Variants in SGCZ observed in about 807,000 individuals in gnomAD.
SGCZ encodes the protein sarcoglycan zeta, also known as zeta-sarcoglycan.
Under a neutral mutation model 41.3 loss-of-function variants are expected in SGCZ, and 40 were observed. That is an observed-to-expected ratio of 0.97 (90% confidence interval 0.75 to 1.26). The LOEUF is 1.26. SGCZ is among the 50% of genes most tolerant of loss of function. The pLI is 0.00. For synonymous variants in SGCZ, 206 were observed against 137.5 expected, an observed-to-expected ratio of 1.50 and a Z score of -3.49; for missense variants, 552 against 369.8, an observed-to-expected ratio of 1.49 and a Z score of -4.04.
chr8:14,608,672 T>C (rs1282795910), intron 1 of SGCZ, among the ~76,000 whole-genome samples: 1 of 149,956 alleles, frequency 6.7e-6, no homozygotes, highest in Non-Finnish European at 1.5e-5. Context: ...GGAAGCTGTT[T>C]GGGTCATGGG....
chr8:14,644,423 TCTTACC>T (rs2117437892), intron 1 of SGCZ, among the ~76,000 whole-genome samples: 1 of 151,968 alleles, frequency 6.6e-6, no homozygotes, highest in African/African-American at 2.4e-5. Context: ...CAACATCAAC[TCTTACC>T]CAAGTTTCCA....
intron 1 of SGCZ, among the ~76,000 whole-genome samples, chr8:14,931,610 G>C (rs190459845): frequency 1.3e-5 from 2 of 151,980 alleles, no homozygotes; most frequent in East Asian, 3.9e-4. Context: ...GTGAGCTCTG[G>C]AGCCATTTAG....
In SGCZ at chr8:14,598,439, T is replaced by G. The variant is rs184349601; in HGVS notation, c.40-43513A>C. On this transcript the variant is annotated intron_variant, in intron 1 of 7. Coordinates refer to ENST00000382080, the MANE Select transcript of SGCZ (RefSeq NM_139167.4). ...TTTATGTTTTCAGGAAAAATTTTGTTTGTGTGTATATATACATGTAGTAGA... is the reference window on the plus strand; with the variant it reads ...TTTATGTTTTCAGGAAAAATTTTGTGTGTGTGTATATATACATGTAGTAGA... Among the ~76,000 whole-genome samples, 197 of 152,212 alleles carry G rather than the reference T, an allele frequency of 1.3e-3. 3 individuals carry two copies. The highest frequency in any genetic ancestry group is 0.013 in the Admixed American group (191 of 15,278).
At chr8:14,898,321 A>T (rs975011055) in intron 1 of SGCZ, among the ~76,000 whole-genome samples, 6 of 152,166 alleles carry the variant, frequency 3.9e-5, no homozygotes, top group African/African-American at 1.4e-4. Context: ...AGGCAAAGCT[A>T]TGCAATGTCA....
At chr8:14,948,964 T>C (rs1800542268) in intron 1 of SGCZ, among the ~76,000 whole-genome samples, 1 of 152,004 alleles carries the variant, frequency 6.6e-6, no homozygotes, top group Non-Finnish European at 1.5e-5. Context: ...GTGTTCTCTT[T>C]TCCCTCTGAT....
chr8:14,317,787 G>T (rs1801766712), intron 3 of SGCZ, among the ~76,000 whole-genome samples: 1 of 151,690 alleles, frequency 6.6e-6, no homozygotes, highest in African/African-American at 2.4e-5. Context: ...AACTGCAATT[G>T]CTTTTGCACC....
In SGCZ at chr8:14,796,136, T is replaced by C. The variant is rs538246357; in HGVS notation, c.40-241210A>G. The stretch of plus-strand genomic sequence containing the variant: ...TGTGAATAGTTCTGCAATGAGCATA[T>C]CTGTGCATGGGTCTTTATAATAGAA... On this transcript the variant is annotated intron_variant, in intron 1 of 7. Coordinates refer to ENST00000382080, the MANE Select transcript of SGCZ (RefSeq NM_139167.4). 2.0e-5 allele frequency among the ~76,000 whole-genome samples: 3 copies of C among 152,366 alleles called. No homozygotes were observed. In the East Asian group the frequency reaches 5.8e-4, roughly 29 times the overall value.
intron 1 of SGCZ, among the ~76,000 whole-genome samples, chr8:15,067,033 A>AT (rs1298718636): frequency 2.0e-5 from 3 of 152,246 alleles, no homozygotes; most frequent in Admixed American, 1.3e-4. Context: ...CATGAACTAT[A>AT]TATGAATACG....
chr8:14,738,488 C>G (rs1268572150), intron 1 of SGCZ, among the ~76,000 whole-genome samples: 2 of 152,068 alleles, frequency 1.3e-5, no homozygotes, highest in African/African-American at 2.4e-5. Flanking sequence ...GAAACTTGGA[C>G]TAATTAACTA....
At chr8:14,317,116 A>G (rs556227425) in intron 3 of SGCZ, among the ~76,000 whole-genome samples, 16 of 152,180 alleles carry the variant, frequency 1.1e-4, no homozygotes, top group African/African-American at 3.6e-4. Flanking sequence ...CTCCTTGACA[A>G]TAATGCCTAT....
At chr8:14,852,809 T>A (rs549240428) in intron 1 of SGCZ, among the ~76,000 whole-genome samples, 1 of 152,280 alleles carries the variant, frequency 6.6e-6, no homozygotes, top group South Asian at 2.1e-4. Flanking sequence ...TTTCATGGAG[T>A]AATAGCCTTT....
chr8:14,270,317 G>C (rs1800015778), intron 3 of SGCZ, among the ~76,000 whole-genome samples: 2 of 151,882 alleles, frequency 1.3e-5, no homozygotes, highest in Admixed American at 1.3e-4. Context: ...GGGTAACAGA[G>C]TAAAACTCCG....
At chr8:14,320,736 G>C (rs1372304309) in intron 3 of SGCZ, among the ~76,000 whole-genome samples, 1 of 151,994 alleles carries the variant, frequency 6.6e-6, no homozygotes, top group Non-Finnish European at 1.5e-5. Context: ...TTATCTGGTA[G>C]TAGTTCCTCT....
At chr8:14,269,672 C>G (rs1032806892) in intron 3 of SGCZ, among the ~76,000 whole-genome samples, 1 of 152,010 alleles carries the variant, frequency 6.6e-6, no homozygotes, top group Non-Finnish European at 1.5e-5. Context: ...TTCTTTAAGT[C>G]AAAAATTCTG....
intron 1 of SGCZ, among the ~76,000 whole-genome samples, chr8:14,754,877 AC>A (rs1432802161): frequency 1.3e-5 from 2 of 152,026 alleles, no homozygotes; most frequent in South Asian, 2.1e-4. Context: ...GTGCACCACC[AC>A]ACCCAGCTTA....
At chr8:14,926,194 A>C (rs1353864307) in intron 1 of SGCZ, among the ~76,000 whole-genome samples, 1 of 152,230 alleles carries the variant, frequency 6.6e-6, no homozygotes, top group Non-Finnish European at 1.5e-5. Flanking sequence ...CAGCTTTTTA[A>C]GTAATATATG....
At chr8:14,093,751 A>T (rs1329098970) in intron 7 of SGCZ, among the ~76,000 whole-genome samples, 1 of 152,104 alleles carries the variant, frequency 6.6e-6, no homozygotes, top group East Asian at 1.9e-4. Context: ...TTTGGATGCA[A>T]ACAAATTTGC....
Position 15,214,604 on chromosome 8 carries a change from G to C in SGCZ, c.39+22981C>G, listed in dbSNP as rs141243689. ...TTTGTCAGAATATTTTGTCATGCTAGACATGCACATCTTCCTGTGCAATCT... is the reference window on the plus strand; with the variant it reads ...TTTGTCAGAATATTTTGTCATGCTACACATGCACATCTTCCTGTGCAATCT... On this transcript the variant is annotated intron_variant, in intron 1 of 7. Coordinates refer to ENST00000382080, the MANE Select transcript of SGCZ (RefSeq NM_139167.4). Among the ~76,000 whole-genome samples the C allele has an allele frequency of 1.6e-3, 241 of 152,198 alleles. 1 individual carries two copies. The highest frequency in any genetic ancestry group is 3.4e-3 in the Middle Eastern group (1 of 294).
At chr8:14,769,102 C>T (rs534922329) in intron 1 of SGCZ, among the ~76,000 whole-genome samples, 1 of 151,890 alleles carries the variant, frequency 6.6e-6, no homozygotes, top group South Asian at 2.1e-4. Flanking sequence ...GAAAATAAAT[C>T]CGCCGAATAA....
Sources: allele counts gnomAD v4.1 joint callset (sites outside exome capture counted in the v4.1 genomes callset), GRCh38; gene constraint gnomAD v4.1.1; transcripts MANE v1.5; gene names NCBI Gene and HGNC (gene_info 2026-07-23, HGNC 2026-07-21).